TAF2: variants seen among roughly 807,000 people sequenced by gnomAD.
TAF2 encodes the protein transcription initiation factor TFIID subunit 2.
In TAF2, 61 loss-of-function variants were observed where a neutral mutation model predicts 138.5. The ratio of observed to expected loss-of-function variants is 0.44; its 90% CI spans 0.36 to 0.54. The LOEUF (loss-of-function observed/expected upper bound fraction) is 0.54. Ranked by LOEUF, TAF2 falls within the 20% of genes least tolerant of loss-of-function variation. TAF2 has a pLI of 0.00. For synonymous variants in TAF2, 475 were observed against 469.9 expected, an observed-to-expected ratio of 1.01 and a Z score of -0.14; for missense variants, 1,090 against 1,427.9, an observed-to-expected ratio of 0.76 and a Z score of 3.81.
chr8:119,823,396 G>A (rs1178621885), intron 2 of TAF2, among the ~76,000 whole-genome samples: 1 of 152,098 alleles, frequency 6.6e-6, no homozygotes, highest in Non-Finnish European at 1.5e-5. Context: ...AATCATGAGG[G>A]CAAGTCTTTC....
chr8:119,779,454 A>G (rs1044341620), intron 17 of TAF2, among the ~76,000 whole-genome samples: 2 of 152,200 alleles, frequency 1.3e-5, no homozygotes, highest in Non-Finnish European at 2.9e-5. Context: ...CCTAAGCTAC[A>G]TGAAAGCACA....
At position 119,822,317 on chromosome 8, in the gene TAF2, G is replaced by T. The variant is rs539078523; in HGVS notation, c.139-2811C>A. Reference sequence around the variant, plus strand: ...GCATACTGCAGCCTCAATCTTCCAGGCTCAAGTGATCCTCCCACCTCAGCC... The same window carrying T: ...GCATACTGCAGCCTCAATCTTCCAGTCTCAAGTGATCCTCCCACCTCAGCC... On this transcript the variant is annotated intron_variant, in intron 2 of 25. Coordinates refer to ENST00000378164, the MANE Select transcript of TAF2 (RefSeq NM_003184.4). Among the ~76,000 whole-genome samples, 7 of 151,682 alleles carry T rather than the reference G, an allele frequency of 4.6e-5. No homozygotes were observed. In the East Asian group the frequency reaches 1.4e-3, roughly 30 times the overall value.
intron 20 of TAF2, among the ~76,000 whole-genome samples, chr8:119,759,531 A>G (rs1385132475): frequency 6.6e-6 from 1 of 152,044 alleles, no homozygotes; most frequent in East Asian, 1.9e-4. Flanking sequence ...TTAGACTTAG[A>G]TTATATTTCC....
Position 119,826,665 on chromosome 8 carries a change from G to A in TAF2, c.138+5012C>T, listed in dbSNP as rs7815012. Reference sequence around the variant, plus strand: ...GAGTGCAGCAGTGCGATTTCGGCTCGCTGGAACCTCCACCTCCTGGGTTCA... The same window carrying A: ...GAGTGCAGCAGTGCGATTTCGGCTCACTGGAACCTCCACCTCCTGGGTTCA... On this transcript the variant is annotated intron_variant, in intron 2 of 25. Transcript: ENST00000378164. 9.1e-3 allele frequency among the ~76,000 whole-genome samples: 1,373 copies of A among 151,036 alleles called. 20 individuals carry two copies. The highest frequency in any genetic ancestry group is 0.032 in the African/African-American group (1,307 of 41,122).
chr8:119,764,099 T>C (rs1032400985), intron 18 of TAF2, among the ~76,000 whole-genome samples: 3 of 151,788 alleles, frequency 2.0e-5, no homozygotes, highest in African/African-American at 4.8e-5. Flanking sequence ...TGAGCCGAGA[T>C]TGTGCCACTG....
At chr8:119,768,483 G>A (rs1182531594) in intron 18 of TAF2, among the ~76,000 whole-genome samples, 1 of 137,292 alleles carries the variant, frequency 7.3e-6, no homozygotes, top group Non-Finnish European at 1.7e-5. Flanking sequence ...TTTTCCTCTT[G>A]GTATTGATTT....
intron 11 of TAF2, 73 bp from the exon 12 acceptor site, chr8:119,789,819 T>C: frequency 7.1e-7 from 1 of 1,413,866 alleles, no homozygotes; most frequent in Non-Finnish European, 9.8e-7. Context: ...TCACTTTGCA[T>C]TATAACTTTA....
rs927628910 is a variant in TAF2 at position 119,828,676 on chromosome 8, G to A, written c.138+3001C>T. Among the ~76,000 whole-genome samples the A allele has an allele frequency of 2.6e-5, 4 of 152,114 alleles. No homozygotes were observed. The South Asian group carries it at 8.3e-4, about 32-fold the overall frequency. Reference sequence around the variant, plus strand: ...CCATACTACCAGCTAAGGGAAGCAGGGACTGTTACAATTTAGTTTTATACT... The same window carrying A: ...CCATACTACCAGCTAAGGGAAGCAGAGACTGTTACAATTTAGTTTTATACT... On this transcript the variant is annotated intron_variant, in intron 2 of 25. Transcript: ENST00000378164.
intron 5 of TAF2, among the ~76,000 whole-genome samples, chr8:119,802,750 T>C (rs535987682): frequency 1.3e-5 from 2 of 152,188 alleles, no homozygotes; most frequent in African/African-American, 4.8e-5. Context: ...CTGTCTCTAC[T>C]AATAATACAA....
At chr8:119,741,599 A>G (rs1392982622) in intron 25 of TAF2, among the ~76,000 whole-genome samples, 1 of 152,192 alleles carries the variant, frequency 6.6e-6, no homozygotes, top group Non-Finnish European at 1.5e-5. Flanking sequence ...CTCAACATCA[A>G]AACAGTTTAA....
At chr8:119,777,740 A>G (rs1453227178) in intron 18 of TAF2, among the ~76,000 whole-genome samples, 1 of 152,164 alleles carries the variant, frequency 6.6e-6, no homozygotes, top group African/African-American at 2.4e-5. Context: ...TTAACTGGCT[A>G]CCCCAAATCT....
intron 20 of TAF2, chr8:119,760,351 T>G: frequency 2.6e-6 from 1 of 387,058 alleles, no homozygotes; most frequent in African/African-American, 2.1e-5. Flanking sequence ...TAACGTCCAA[T>G]TAAAGCTACA....
intron 21 of TAF2, among the ~76,000 whole-genome samples, chr8:119,757,309 G>T (rs1278860803): frequency 6.6e-6 from 1 of 152,052 alleles, no homozygotes; most frequent in Non-Finnish European, 1.5e-5. Context: ...TTACAGATAT[G>T]TAATATAAAT....
chr8:119,821,799 G>A (rs995279261), intron 2 of TAF2, among the ~76,000 whole-genome samples: 2 of 152,148 alleles, frequency 1.3e-5, no homozygotes, highest in Non-Finnish European at 2.9e-5. Flanking sequence ...CACTTTGGGA[G>A]GCTGAGGCAG....
intron 12 of TAF2, 34 bp downstream of exon 12, chr8:119,789,558 C>T (rs147991452): frequency 1.9e-6 from 3 of 1,611,008 alleles, no homozygotes; most frequent in African/African-American, 2.7e-5. Context: ...TTATTCCCTT[C>T]CCCACTCTGT....
At chr8:119,785,836 C>T (rs1822974307) in intron 14 of TAF2, among the ~76,000 whole-genome samples, 1 of 152,076 alleles carries the variant, frequency 6.6e-6, no homozygotes, top group Non-Finnish European at 1.5e-5. Flanking sequence ...TCCTGTGTTC[C>T]TCATACCAAA....
intron 18 of TAF2, among the ~76,000 whole-genome samples, chr8:119,763,874 G>C (rs1821240840): frequency 6.7e-6 from 1 of 149,936 alleles, no homozygotes; most frequent in Admixed American, 6.7e-5. Flanking sequence ...TAATAGGCTG[G>C]GCGTGGTGGC....
intron 23 of TAF2, chr8:119,745,151 T>G: frequency 2.7e-6 from 1 of 372,032 alleles, no homozygotes; most frequent in South Asian, 2.1e-5. Flanking sequence ...GTGCTAGAAA[T>G]TATCAGCAAT....
chr8:119,820,200 C>T lies in TAF2; in HGVS notation c.139-694G>A, dbSNP rs115723816. Among the ~76,000 whole-genome samples the T allele has an allele frequency of 7.6e-3, 1,150 of 152,158 alleles. 17 individuals are homozygous for T. The highest frequency in any genetic ancestry group is 0.026 in the African/African-American group (1,088 of 41,516). On this transcript the variant is annotated intron_variant, in intron 2 of 25. Coordinates refer to ENST00000378164, the MANE Select transcript of TAF2 (RefSeq NM_003184.4). ...TCTTGTATTGAATCAATGGGAAAGA[C>T]GAACAGATGAAACACAGAATATATG...
Sources: gnomAD v4.1 joint callset for allele counts (sites outside exome capture counted in the v4.1 genomes callset) on GRCh38, gnomAD v4.1.1 for gene constraint, MANE v1.5 for transcripts, NCBI Gene and HGNC (gene_info 2026-07-23, HGNC 2026-07-21) for gene names.